TMEM123: variants seen among roughly 807,000 people sequenced by gnomAD.
TMEM123 encodes the protein porimin.
A neutral mutation model predicts 19.7 loss-of-function variants in TMEM123; 16 were observed. That is an observed-to-expected ratio of 0.81 (90% CI 0.55 to 1.23). The LOEUF is 1.23. Among genes scored for constraint, TMEM123 ranks in the 50% most tolerant of loss-of-function variants. The pLI is 0.00. For synonymous variants in TMEM123, 118 were observed against 99.4 expected, an observed-to-expected ratio of 1.19 and a Z score of -1.12; for missense variants, 313 against 257.8, an observed-to-expected ratio of 1.21 and a Z score of -1.47.
intron 2 of TMEM123, 73 bp downstream of exon 2, chr11:102,448,739 A>AC (rs1355818697): frequency 2.2e-5 from 32 of 1,461,396 alleles, no homozygotes; most frequent in Non-Finnish European, 3.0e-5. Context: ...GCTTATGCCT[A>AC]CTTCCCTGGC....
At chr11:102,407,554 A>G (rs1390882948) in intron 2 of TMEM123, among the ~76,000 whole-genome samples, 1 of 152,216 alleles carries the variant, frequency 6.6e-6, no homozygotes, top group African/African-American at 2.4e-5. Flanking sequence ...AATCTTTACA[A>G]AGGTCATTAA....
At chr11:102,451,325 C>G (rs931748585) in intron 1 of TMEM123, 1 of 152,120 alleles carries the variant, frequency 6.6e-6, no homozygotes, top group African/African-American at 2.4e-5. Context: ...CCAAGATACA[C>G]GATGGACATG....
intron 2 of TMEM123, among the ~76,000 whole-genome samples, chr11:102,427,763 G>T (rs904080747): frequency 6.6e-6 from 1 of 151,156 alleles, no homozygotes. Flanking sequence ...ACTGGAACCC[G>T]GGAGGCAGAG....
chr11:102,406,369 A>T (rs754064116), intron 2 of TMEM123, among the ~76,000 whole-genome samples: 2 of 152,186 alleles, frequency 1.3e-5, no homozygotes, highest in Non-Finnish European at 2.9e-5. Context: ...CTGGACAAGC[A>T]TCTACTGGAC....
chr11:102,412,187 T>G (rs980992613), intron 2 of TMEM123, among the ~76,000 whole-genome samples: 1 of 152,112 alleles, frequency 6.6e-6, no homozygotes, highest in African/African-American at 2.4e-5. Context: ...CCCAGCACTT[T>G]GGGAGGCCCA....
At chr11:102,445,304 T>C (rs570892792) in intron 2 of TMEM123, among the ~76,000 whole-genome samples, 2 of 152,254 alleles carry the variant, frequency 1.3e-5, no homozygotes, top group South Asian at 4.1e-4. Context: ...ATCCAATCTC[T>C]AGTTAAAAAC....
intron 2 of TMEM123, among the ~76,000 whole-genome samples, chr11:102,442,905 GACAA>G (rs1270131422): frequency 4.6e-5 from 7 of 152,222 alleles, no homozygotes; most frequent in South Asian, 2.1e-4. Flanking sequence ...ACCAATAAAA[GACAA>G]ACAGAGAGCC....
Position 102,438,142 on chromosome 11 carries a change from C to T in TMEM123, c.157+10670G>A, listed in dbSNP as rs1244683814. On this transcript the variant is annotated intron_variant, in intron 2 of 4. Coordinates refer to ENST00000398136, the MANE Select transcript of TMEM123 (RefSeq NM_052932.3). ...AATCTCGGCTCACTGCAATCTCTGCCACCCGGGATCATGCATTCTCCTGCC... is the reference window on the plus strand; with the variant it reads ...AATCTCGGCTCACTGCAATCTCTGCTACCCGGGATCATGCATTCTCCTGCC... Among the ~76,000 whole-genome samples the T allele has an allele frequency of 3.3e-5, 5 of 152,138 alleles. 1 individual carries two copies. In the South Asian group the frequency reaches 8.3e-4, roughly 25 times the overall value.
In TMEM123 at chr11:102,398,824, G is replaced by A. The variant is rs773518443; in HGVS notation, c.*43C>T. 3 of 1,596,718 alleles carry A rather than the reference G, an allele frequency of 1.9e-6. No homozygotes were observed. Among genetic ancestry groups the A allele is most frequent in the Non-Finnish European group, 2.6e-6 (3 of 1,171,614 alleles). On this transcript the variant is annotated 3_prime_UTR_variant, in exon 5 of 5. Transcript: ENST00000398136. ...ATTAATAAACCAAAATTAATTGATA[G>A]GGCAGCATCAATCTGTATTCCATCC... is the stretch of plus-strand genomic sequence containing the variant.
chr11:102,401,415 G>C, intron 4 of TMEM123, 124 bp downstream of exon 4: 4 of 863,230 alleles, frequency 4.6e-6, no homozygotes, highest in Non-Finnish European at 6.5e-6. Flanking sequence ...AGGGTTAATG[G>C]GAATATAACT....
intron 2 of TMEM123, among the ~76,000 whole-genome samples, chr11:102,431,945 A>G (rs1268731853): frequency 6.6e-6 from 1 of 152,150 alleles, no homozygotes; most frequent in Non-Finnish European, 1.5e-5. Flanking sequence ...CCCTGTGAAG[A>G]GGCGCCTTCT....
chr11:102,424,484 C>T (rs1188691511), intron 2 of TMEM123, among the ~76,000 whole-genome samples: 3 of 152,116 alleles, frequency 2.0e-5, no homozygotes, highest in African/African-American at 7.2e-5. Flanking sequence ...CCAGGAGGTT[C>T]AAGACCAGCC....
chr11:102,449,271 C>G (rs1157290808), intron 1 of TMEM123: 1 of 164,304 alleles, frequency 6.1e-6, no homozygotes, highest in Non-Finnish European at 1.3e-5. Context: ...ATCTCTAGGT[C>G]TTGCACCACC....
chr11:102,436,015 G>GT (rs1327790818), intron 2 of TMEM123, among the ~76,000 whole-genome samples: 1 of 151,728 alleles, frequency 6.6e-6, no homozygotes, highest in East Asian at 1.9e-4. Context: ...GAAATGGGGT[G>GT]TGTGATTATA....
chr11:102,429,430 A>T (rs1352846556), intron 2 of TMEM123, among the ~76,000 whole-genome samples: 1 of 152,182 alleles, frequency 6.6e-6, no homozygotes, highest in Non-Finnish European at 1.5e-5. Flanking sequence ...CAGCAAAAAC[A>T]TTACATGAGA....
chr11:102,430,335 A>C (rs944572132), intron 2 of TMEM123, among the ~76,000 whole-genome samples: 1 of 152,226 alleles, frequency 6.6e-6, no homozygotes, highest in Non-Finnish European at 1.5e-5. Context: ...GGTGCTGGGA[A>C]GGTGGTGGTG....
chr11:102,425,115 C>T (rs1952115487), intron 2 of TMEM123, among the ~76,000 whole-genome samples: 1 of 152,220 alleles, frequency 6.6e-6, no homozygotes, highest in Non-Finnish European at 1.5e-5. Context: ...CTCCAAGCAG[C>T]ACCCAGGAAT....
At chr11:102,448,155 T>G (rs911321492) in intron 2 of TMEM123, 1 of 447,440 alleles carries the variant, frequency 2.2e-6, no homozygotes, top group Admixed American at 2.4e-5. Context: ...TGGTGTACCT[T>G]TTTCTAGTTT....
intron 2 of TMEM123, among the ~76,000 whole-genome samples, chr11:102,412,554 GAGTAAAGAA>G (rs1311518644): frequency 6.6e-6 from 1 of 151,872 alleles, no homozygotes; most frequent in Non-Finnish European, 1.5e-5. Flanking sequence ...TTGAAAGTAA[GAGTAAAGAA>G]AAGAAATTTT....
Sources: allele counts gnomAD v4.1 joint callset (sites outside exome capture counted in the v4.1 genomes callset), GRCh38; gene constraint gnomAD v4.1.1; transcripts MANE v1.5; gene names NCBI Gene and HGNC (gene_info 2026-07-23, HGNC 2026-07-21).